RANBP9: variants seen among roughly 807,000 people sequenced by gnomAD.
The protein encoded by RANBP9 is RAN binding protein 9.
Under a neutral mutation model 84.3 loss-of-function variants are expected in RANBP9, and 15 were observed. The observed-to-expected ratio is 0.18, with a 90% confidence interval of 0.12 to 0.27. The LOEUF is 0.27. Among genes scored for constraint, RANBP9 ranks in the 10% least tolerant of loss-of-function variants. RANBP9 has a pLI of 1.00. For synonymous variants in RANBP9, 392 were observed against 349.6 expected (o/e 1.12, Z -1.35); for missense variants, 809 against 912.8 (o/e 0.89, Z 1.46).
intron 2 of RANBP9, among the ~76,000 whole-genome samples, chr6:13,669,298 C>G (rs556685458): frequency 6.6e-6 from 1 of 152,160 alleles, no homozygotes; most frequent in Non-Finnish European, 1.5e-5. Context: ...AATAGCAATA[C>G]TCCCCAAATT....
chr6:13,640,978 G>C (rs1338544416), intron 8 of RANBP9, among the ~76,000 whole-genome samples: 1 of 151,974 alleles, frequency 6.6e-6, no homozygotes, highest in Non-Finnish European at 1.5e-5. Flanking sequence ...CACATAAATA[G>C]AATAATAAAA....
At chr6:13,634,008 T>C (rs146556625) in intron 11 of RANBP9, among the ~76,000 whole-genome samples, 480 of 152,066 alleles carry the variant, frequency 3.2e-3, no homozygotes, top group African/African-American at 0.011. Context: ...GGGATAGTAC[T>C]ATGCAAAGTC....
chr6:13,693,386 A>G (rs1650183850), intron 2 of RANBP9, among the ~76,000 whole-genome samples: 1 of 152,192 alleles, frequency 6.6e-6, no homozygotes, highest in Non-Finnish European at 1.5e-5. Flanking sequence ...ATGGCTAAAA[A>G]TTTAAAAAAA....
At chr6:13,690,076 T>C (rs1302070812) in intron 2 of RANBP9, among the ~76,000 whole-genome samples, 1 of 152,178 alleles carries the variant, frequency 6.6e-6, no homozygotes, top group African/African-American at 2.4e-5. Flanking sequence ...CAATGACTCA[T>C]GTCTTAGAAC....
intron 12 of RANBP9, among the ~76,000 whole-genome samples, chr6:13,630,951 C>T (rs547093390): frequency 8.6e-5 from 13 of 151,628 alleles, no homozygotes; most frequent in African/African-American, 1.5e-4. Context: ...CTGGGACTAC[C>T]GGCGCCCGCC....
intron 13 of RANBP9, among the ~76,000 whole-genome samples, 153 bp from the exon 14 acceptor site, chr6:13,622,645 TGCC>T (rs111493376): frequency 0.012 from 1,753 of 152,356 alleles, 17 homozygotes; most frequent in African/African-American, 0.039. Flanking sequence ...AAAAGACAGA[TGCC>T]GCCTTGGACA....
chr6:13,690,287 C>A (rs1766294211), intron 2 of RANBP9, among the ~76,000 whole-genome samples: 1 of 152,120 alleles, frequency 6.6e-6, no homozygotes, highest in Admixed American at 6.6e-5. Flanking sequence ...CATAGGTGTT[C>A]AACATATATT....
intron 2 of RANBP9, among the ~76,000 whole-genome samples, chr6:13,695,931 G>A (rs995666996): frequency 6.6e-6 from 1 of 151,184 alleles, no homozygotes; most frequent in Non-Finnish European, 1.5e-5. Context: ...ACCTCACAGG[G>A]CAACTTATCC....
intron 2 of RANBP9, among the ~76,000 whole-genome samples, chr6:13,672,305 G>A (rs1280384117): frequency 6.6e-6 from 1 of 151,956 alleles, no homozygotes. Flanking sequence ...CAGGAACTCT[G>A]GTCCACTAAA....
intron 2 of RANBP9, among the ~76,000 whole-genome samples, chr6:13,666,782 T>A (rs896651880): frequency 5.3e-5 from 8 of 151,612 alleles, no homozygotes; most frequent in African/African-American, 1.9e-4. Flanking sequence ...CAACAAAAAA[T>A]TGTTATGGAA....
chr6:13,711,082 C>G lies in RANBP9; in HGVS notation c.424G>C (p.Glu142Gln). 1 of 1,575,876 alleles carries G rather than the reference C, an allele frequency of 6.3e-7. No homozygotes were observed. The highest frequency in any genetic ancestry group is 8.6e-7 in the Non-Finnish European group (1 of 1,161,014). The change falls in exon 1 of 14, where the codon GAG (glutamate) becomes CAG (glutamine). Residue 142 changes from glutamate to glutamine, a missense_variant. Glu to Gln is a conservative substitution (Grantham distance 29). Around this residue, in one of 5 missense-constraint regions of RANBP9, gnomAD observed 302 missense variants for 240.1 expected, o/e 1.26. Coordinates refer to ENST00000011619, the MANE Select transcript of RANBP9 (RefSeq NM_005493.3). ...CGCCGCTGCAACTCCTTCTCCTGCT[C>G]GTTCAGGGCCGAGTCCCCGTGAGGG... ...PFPHGDSALNEQEKELQRRLK... is the reference protein window; with the variant it reads ...PFPHGDSALNQQEKELQRRLK...
intron 2 of RANBP9, among the ~76,000 whole-genome samples, chr6:13,667,868 C>T (rs1028394721): frequency 1.1e-4 from 16 of 152,094 alleles, no homozygotes; most frequent in African/African-American, 3.9e-4. Flanking sequence ...TCTTACGCAA[C>T]ACATTTTTTG....
At chr6:13,630,683 C>T (rs1271144836) in intron 12 of RANBP9, among the ~76,000 whole-genome samples, 1 of 152,052 alleles carries the variant, frequency 6.6e-6, no homozygotes, top group Non-Finnish European at 1.5e-5. Flanking sequence ...CTTTCATTTC[C>T]TCTGACTATA....
intron 5 of RANBP9, among the ~76,000 whole-genome samples, 197 bp from the exon 6 acceptor site, chr6:13,644,926 AATC>A (rs1765147654): frequency 6.6e-6 from 1 of 152,232 alleles, no homozygotes; most frequent in Non-Finnish European, 1.5e-5. Context: ...CCTGCAATGT[AATC>A]ATCAAGAAAA....
intron 2 of RANBP9, among the ~76,000 whole-genome samples, chr6:13,685,917 G>A (rs112349614): frequency 0.38 from 56,240 of 148,632 alleles, 10,877 homozygotes; most frequent in Admixed American, 0.49. Context: ...GCAACAGAGC[G>A]AGACTCTGTC....
intron 2 of RANBP9, among the ~76,000 whole-genome samples, chr6:13,659,242 CCACACACACACACATA>C (rs1299303644): frequency 1.9e-5 from 2 of 105,764 alleles, no homozygotes; most frequent in African/African-American, 3.2e-5. Context: ...AATTTAGACC[CCACACACACACACATA>C]CACACACACA....
intron 2 of RANBP9, among the ~76,000 whole-genome samples, chr6:13,683,760 G>GA (rs902029578): frequency 4.8e-5 from 7 of 147,172 alleles, no homozygotes; most frequent in Admixed American, 2.0e-4. Flanking sequence ...CTTGTAATTG[G>GA]AAAAAAAAAT....
intron 7 of RANBP9, among the ~76,000 whole-genome samples, 199 bp from the exon 8 acceptor site, chr6:13,641,506 C>T (rs941967754): frequency 6.8e-6 from 1 of 146,946 alleles, no homozygotes; most frequent in Non-Finnish European, 1.5e-5. Context: ...AAAACAAGTA[C>T]GGTCACAAAT....
At chr6:13,669,737 T>C (rs1180701424) in intron 2 of RANBP9, among the ~76,000 whole-genome samples, 1 of 152,130 alleles carries the variant, frequency 6.6e-6, no homozygotes, top group African/African-American at 2.4e-5. Context: ...TACAGTTGCA[T>C]GCCACCATGC....
Sources: allele counts gnomAD v4.1 joint callset (sites outside exome capture counted in the v4.1 genomes callset), GRCh38; gene constraint gnomAD v4.1.1; regional missense constraint gnomAD v4.1.1; transcripts MANE v1.5; gene names NCBI Gene and HGNC (gene_info 2026-07-23, HGNC 2026-07-21).